Variants in BNC2 observed in about 807,000 individuals in gnomAD.
BNC2 encodes zinc finger protein basonuclin-2.
BNC2 carries 20 observed loss-of-function variants against 76.3 expected under a neutral mutation model. The ratio of observed to expected loss-of-function variants is 0.26; its 90% CI spans 0.18 to 0.38. The LOEUF is 0.38. Among genes scored for constraint, BNC2 ranks in the 10% least tolerant of loss-of-function variants. The pLI, the probability that BNC2 is intolerant of heterozygous loss-of-function variation, is 1.00. For synonymous variants in BNC2, 582 were observed against 514.8 expected, an observed-to-expected ratio of 1.13 and a Z score of -1.77; for missense variants, 1,382 against 1,399.8, an observed-to-expected ratio of 0.99 and a Z score of 0.20.
Position 16,413,511 on chromosome 9 carries a change from G to A in BNC2, c.*5478C>T, listed in dbSNP as rs1285905259. ...CCGAATAACATAGTTATTGCCGAAT[G>A]AGCACAGAAAATCATTTTGCGCAAG... On this transcript the variant is annotated 3_prime_UTR_variant, in exon 7 of 7. Coordinates refer to ENST00000380672, the MANE Select transcript of BNC2 (RefSeq NM_017637.6). 1 of 152,160 alleles carries A rather than the reference G, an allele frequency of 6.6e-6. No homozygotes were observed. The highest frequency in any genetic ancestry group is 1.5e-5 in the Non-Finnish European group (1 of 68,040). 9.4% of individuals were successfully genotyped at this position (152,160 alleles called of 1,614,324 possible). A position where few individuals can be genotyped will look rare whatever the true frequency, so the allele number is the denominator to read the frequency against.
Position 16,727,893 on chromosome 9 carries a change from G to A in BNC2, c.234C>T (p.Ser78=), listed in dbSNP as rs752635699. The A allele has an allele frequency of 1.2e-6, 2 of 1,614,178 alleles. No homozygotes were observed. The highest frequency in any genetic ancestry group is 1.7e-6 in the Non-Finnish European group (2 of 1,180,016). Residue 78 remains serine (S), a synonymous_variant, in exon 3 of 7, where the codon TCC becomes TCT. Coordinates refer to ENST00000380672, the MANE Select transcript of BNC2 (RefSeq NM_017637.6). ...TAGTCGTTCTGGTTCCGAACTGCATGGAGTTGTCAGTACAGGAGTCTCTTA... is the reference window on the plus strand; with the variant it reads ...TAGTCGTTCTGGTTCCGAACTGCATAGAGTTGTCAGTACAGGAGTCTCTTA... ...LTLRDSCTDN[S]MQFGTRTTTA... is the part of the protein sequence containing the mutation.
At chr9:16,440,562 T>C (rs1197110792) in intron 5 of BNC2, among the ~76,000 whole-genome samples, 2 of 152,208 alleles carry the variant, frequency 1.3e-5, no homozygotes, top group African/African-American at 2.4e-5. Context: ...GATATACTTA[T>C]ACAACTGGCA....
At chr9:16,814,115 C>G (rs1450570677) in intron 1 of BNC2, among the ~76,000 whole-genome samples, 2 of 152,206 alleles carry the variant, frequency 1.3e-5, no homozygotes, top group Non-Finnish European at 2.9e-5. Flanking sequence ...GTTTCATCTC[C>G]TCATCTACTA....
At chr9:16,819,507 A>T (rs1264854687) in intron 1 of BNC2, among the ~76,000 whole-genome samples, 1 of 152,080 alleles carries the variant, frequency 6.6e-6, no homozygotes, top group East Asian at 1.9e-4. Flanking sequence ...TACTAAAAAT[A>T]CAAAAATTAG....
chr9:16,775,674 C>T (rs144245031), intron 1 of BNC2: 8 of 213,382 alleles, frequency 3.7e-5, no homozygotes, highest in African/African-American at 1.4e-4. Flanking sequence ...TGCTGGTCCA[C>T]GCTTTGGTCT....
At chr9:16,628,384 A>C (rs1821059766) in intron 3 of BNC2, among the ~76,000 whole-genome samples, 1 of 152,162 alleles carries the variant, frequency 6.6e-6, no homozygotes, top group Non-Finnish European at 1.5e-5. Flanking sequence ...CACATTCAAA[A>C]ACCTTAAGTT....
At chr9:16,462,574 C>A (rs1215090287) in intron 5 of BNC2, among the ~76,000 whole-genome samples, 1 of 152,162 alleles carries the variant, frequency 6.6e-6, no homozygotes, top group East Asian at 1.9e-4. Flanking sequence ...GGAAAAAACT[C>A]CACATAATGG....
intron 3 of BNC2, among the ~76,000 whole-genome samples, chr9:16,636,245 TAAG>T (rs1008888864): frequency 6.6e-6 from 1 of 152,028 alleles, no homozygotes; most frequent in Non-Finnish European, 1.5e-5. Flanking sequence ...AACATAAAAA[TAAG>T]AAGGTCTGAC....
intron 6 of BNC2, chr9:16,421,216 GAGGGCAGC>G (rs1162985802): frequency 7.2e-6 from 9 of 1,252,388 alleles, no homozygotes; most frequent in Non-Finnish European, 9.4e-6. Context: ...TTAAGGGGCA[GAGGGCAGC>G]AGCCCTCTCC....
intron 3 of BNC2, among the ~76,000 whole-genome samples, chr9:16,655,932 G>C (rs2133992905): frequency 6.6e-6 from 1 of 152,342 alleles, no homozygotes. Context: ...ACAGAATGAA[G>C]ATGGACACGT....
At chr9:16,863,043 T>C (rs1299641837) in intron 1 of BNC2, among the ~76,000 whole-genome samples, 1 of 151,760 alleles carries the variant, frequency 6.6e-6, no homozygotes, top group East Asian at 2.0e-4. Context: ...GCCTCCCGAG[T>C]AGCTGGGATT....
chr9:16,659,474 G>C (rs1822040403), intron 3 of BNC2, among the ~76,000 whole-genome samples: 1 of 152,034 alleles, frequency 6.6e-6, no homozygotes. Context: ...TGTGTGTGGT[G>C]GTGCATGCCT....
intron 1 of BNC2, among the ~76,000 whole-genome samples, chr9:16,825,518 G>C (rs377120077): frequency 6.1e-4 from 93 of 152,070 alleles, no homozygotes; most frequent in African/African-American, 2.1e-3. Context: ...TACTAGAAAA[G>C]ACTTCCTGCC....
At chr9:16,667,099 ACACACACACG>A (rs947183043) in intron 3 of BNC2, among the ~76,000 whole-genome samples, 5 of 151,744 alleles carry the variant, frequency 3.3e-5, no homozygotes, top group South Asian at 2.1e-4. Context: ...ACACACACAC[ACACACACACG>A]CACACACGCA....
chr9:16,833,613 C>T (rs1308348895), intron 1 of BNC2, among the ~76,000 whole-genome samples: 1 of 152,106 alleles, frequency 6.6e-6, no homozygotes, highest in African/African-American at 2.4e-5. Context: ...ATTATGGGGG[C>T]CTCACATGCT....
intron 3 of BNC2, among the ~76,000 whole-genome samples, chr9:16,666,281 G>T (rs76136675): frequency 6.6e-6 from 1 of 152,060 alleles, no homozygotes; most frequent in Non-Finnish European, 1.5e-5. Context: ...CTCATCTTCA[G>T]TTCTCTGTTT....
Position 16,629,660 on chromosome 9 carries a change from A to G in BNC2, c.331-46575T>C, listed in dbSNP as rs548863337. On this transcript the variant is annotated intron_variant, in intron 3 of 6. Coordinates refer to ENST00000380672, the MANE Select transcript of BNC2 (RefSeq NM_017637.6). ...CAAACCACCACATAAACCAAGTCAC[A>G]TGATTTTTTTTTGGTTTCCCAGTGC... 5.3e-5 allele frequency among the ~76,000 whole-genome samples: 8 copies of G among 152,300 alleles called. No individual in the cohort carries two copies. The South Asian group carries it at 1.5e-3, about 28-fold the overall frequency.
At chr9:16,445,054 G>A (rs1307848060) in intron 5 of BNC2, among the ~76,000 whole-genome samples, 1 of 152,108 alleles carries the variant, frequency 6.6e-6, no homozygotes, top group Non-Finnish European at 1.5e-5. Context: ...AGTATGAGCA[G>A]GCAAGATGGG....
intron 5 of BNC2, among the ~76,000 whole-genome samples, chr9:16,457,231 G>C (rs1371686472): frequency 3.3e-5 from 5 of 152,150 alleles, no homozygotes; most frequent in African/African-American, 1.2e-4. Flanking sequence ...GGTGTCAATA[G>C]AAAAAATTTT....
Sources: gnomAD v4.1 joint callset for allele counts (sites outside exome capture counted in the v4.1 genomes callset) on GRCh38, gnomAD v4.1.1 for gene constraint, MANE v1.5 for transcripts, NCBI Gene and HGNC (gene_info 2026-07-23, HGNC 2026-07-21) for gene names.